The following ASTN2 variants were observed in gnomAD, a reference collection of about 807,000 sequenced individuals.
ASTN2 encodes the protein astrotactin 2, also known as astrotactin-2.
A neutral mutation model predicts 139.8 loss-of-function variants in ASTN2; 54 were observed. The ratio of observed to expected loss-of-function variants is 0.39; its 90% confidence interval spans 0.31 to 0.48. The LOEUF (loss-of-function observed/expected upper bound fraction) is 0.48. Among genes scored for constraint, ASTN2 ranks in the 20% least tolerant of loss-of-function variants. ASTN2 has a pLI of 0.95. For missense variants in ASTN2, 1,565 were observed against 1,725.1 expected (o/e 0.91, Z 1.64); for synonymous variants, 756 against 719.5 (o/e 1.05, Z -0.81).
At chr9:117,186,280 C>T (rs1831195253) in intron 3 of ASTN2, among the ~76,000 whole-genome samples, 2 of 152,158 alleles carry the variant, frequency 1.3e-5, no homozygotes, top group South Asian at 2.1e-4. Context: ...GGCGCGGTGG[C>T]CCACGCCTGT....
intron 16 of ASTN2, among the ~76,000 whole-genome samples, chr9:116,683,268 T>C (rs187230843): frequency 1.6e-4 from 24 of 152,180 alleles, no homozygotes; most frequent in African/African-American, 4.8e-4. Flanking sequence ...TAGTGTTTGG[T>C]TTTCTTTGGA....
At chr9:117,171,071 C>T (rs536255141) in intron 3 of ASTN2, among the ~76,000 whole-genome samples, 28 of 152,166 alleles carry the variant, frequency 1.8e-4, no homozygotes, top group African/African-American at 5.8e-4. Context: ...GAGCTCTCAG[C>T]GACATCCCAT....
chr9:116,621,441 G>GCACA lies in ASTN2; in HGVS notation c.3073-1002_3073-999dup, dbSNP rs10547546. ...CACACACACACACACACACATGCAC[G>GCACA]CACACACACACACACACACACACAT... On this transcript the variant is annotated intron_variant, in intron 17 of 22. Transcript: ENST00000313400. Among the ~76,000 whole-genome samples, 965 of 148,036 alleles carry GCACA rather than the reference G, an allele frequency of 6.5e-3. 14 individuals carry two copies. Among genetic ancestry groups the GCACA allele is most frequent in the African/African-American group, 0.023 (910 of 40,120 alleles).
intron 1 of ASTN2, among the ~76,000 whole-genome samples, chr9:117,317,819 C>A (rs557393470): frequency 2.6e-5 from 4 of 152,198 alleles, no homozygotes; most frequent in Admixed American, 6.5e-5. Context: ...AGTGCACTCA[C>A]AGGTCAGTGC....
At chr9:116,791,046 A>AGAAG (rs1564269274) in intron 13 of ASTN2, among the ~76,000 whole-genome samples, 4 of 149,938 alleles carry the variant, frequency 2.7e-5, no homozygotes, top group Non-Finnish European at 5.9e-5. Flanking sequence ...AAAGAAAGAA[A>AGAAG]AGAAAAGAAA....
At chr9:116,965,563 G>A (rs1368369875) in intron 10 of ASTN2, among the ~76,000 whole-genome samples, 2 of 152,186 alleles carry the variant, frequency 1.3e-5, no homozygotes, top group Non-Finnish European at 2.9e-5. Context: ...AGAAGAGAAT[G>A]AAGCCATCAT....
chr9:116,946,936 C>CAAAAAAAAA lies in ASTN2; in HGVS notation c.1889+28263_1889+28271dup, dbSNP rs3983292. On this transcript the variant is annotated intron_variant, in intron 10 of 22. Coordinates refer to ENST00000313400, the MANE Select transcript of ASTN2 (RefSeq NM_001365068.1). ...AGTGGCCACAAGTACACATTTTTGT[C>CAAAAAAAAA]AAAAAAAAAAAAAAACAACCCAGAT... Among the ~76,000 whole-genome samples the CAAAAAAAAA allele has an allele frequency of 1.6e-4, 21 of 127,920 alleles. 1 individual carries two copies. Among genetic ancestry groups the CAAAAAAAAA allele is most frequent in the African/African-American group, 4.9e-4 (16 of 32,684 alleles). 83.9% of individuals were successfully genotyped at this position (127,920 alleles called of 152,430 possible). A position where few individuals can be genotyped will look rare whatever the true frequency, so the allele number is the denominator to read the frequency against.
chr9:117,271,717 T>G (rs916251342), intron 2 of ASTN2, among the ~76,000 whole-genome samples: 12 of 152,258 alleles, frequency 7.9e-5, no homozygotes, highest in African/African-American at 2.6e-4. Context: ...CCTATGCAAG[T>G]CTGAAATCCA....
At chr9:116,770,845 CT>C (rs1829937220) in intron 13 of ASTN2, among the ~76,000 whole-genome samples, 1 of 152,144 alleles carries the variant, frequency 6.6e-6, no homozygotes, top group Non-Finnish European at 1.5e-5. Flanking sequence ...CCAAGGGCAC[CT>C]TCACATGTTT....
At chr9:117,153,675 T>C (rs947574204) in intron 3 of ASTN2, among the ~76,000 whole-genome samples, 3 of 152,108 alleles carry the variant, frequency 2.0e-5, no homozygotes, top group Non-Finnish European at 4.4e-5. Context: ...TTGACTTCCA[T>C]ACAGAAGAGG....
chr9:116,958,476 C>T (rs1195045860), intron 10 of ASTN2, among the ~76,000 whole-genome samples: 1 of 152,122 alleles, frequency 6.6e-6, no homozygotes, highest in Admixed American at 6.5e-5. Context: ...GTAGTCCCAG[C>T]TACTCAGGAA....
At chr9:116,643,413 G>A (rs1857437047) in intron 17 of ASTN2, among the ~76,000 whole-genome samples, 1 of 152,124 alleles carries the variant, frequency 6.6e-6, no homozygotes, top group Admixed American at 6.5e-5. Context: ...TGTTGCAGCA[G>A]GAAAGCAGTT....
At chr9:116,578,875 C>T (rs10983246) in intron 19 of ASTN2, 4 of 152,040 alleles carry the variant, frequency 2.6e-5, no homozygotes, top group Non-Finnish European at 5.9e-5. Context: ...GAAAAACAGC[C>T]TGGAAATTTC....
At chr9:116,495,205 C>T (rs1254246876) in intron 19 of ASTN2, among the ~76,000 whole-genome samples, 1 of 152,218 alleles carries the variant, frequency 6.6e-6, no homozygotes, top group Non-Finnish European at 1.5e-5. Context: ...AGACTTCAGG[C>T]TCATCCTCAT....
intron 10 of ASTN2, among the ~76,000 whole-genome samples, chr9:116,891,575 C>T (rs1445764752): frequency 1.3e-5 from 2 of 152,200 alleles, no homozygotes; most frequent in African/African-American, 2.4e-5. Flanking sequence ...AAAGTCCCAT[C>T]GCTGGGAGTA....
intron 10 of ASTN2, among the ~76,000 whole-genome samples, chr9:116,944,744 G>T (rs1835339842): frequency 6.6e-6 from 1 of 150,854 alleles, no homozygotes. Flanking sequence ...GGGTATGTTT[G>T]GGAAGCCATA....
At chr9:117,240,840 A>G (rs559073483) in intron 2 of ASTN2, among the ~76,000 whole-genome samples, 2 of 152,282 alleles carry the variant, frequency 1.3e-5, no homozygotes, top group South Asian at 2.1e-4. Context: ...GACCTAAGCC[A>G]TGCTTTCTGC....
Position 117,183,345 on chromosome 9 carries a change from C to T in ASTN2, c.1015+31013G>A, listed in dbSNP as rs139863051. 1.9e-4 allele frequency among the ~76,000 whole-genome samples: 29 copies of T among 152,272 alleles called. 1 individual carries two copies. The highest frequency in any genetic ancestry group is 6.3e-4 in the African/African-American group (26 of 41,550). On this transcript the variant is annotated intron_variant, in intron 3 of 22. Coordinates refer to ENST00000313400, the MANE Select transcript of ASTN2 (RefSeq NM_001365068.1). ...TTAAATAAAGAAGCATATAAAGCAC[C>T]CGATCTATCTGCAGAGGACTTGCTC...
chr9:117,299,303 T>G (rs1834817264), intron 1 of ASTN2, among the ~76,000 whole-genome samples: 1 of 152,208 alleles, frequency 6.6e-6, no homozygotes, highest in Non-Finnish European at 1.5e-5. Context: ...ATTCATTTAG[T>G]CAACCAACCT....
Sources: gnomAD v4.1 joint callset for allele counts (sites outside exome capture counted in the v4.1 genomes callset) on GRCh38, gnomAD v4.1.1 for gene constraint, MANE v1.5 for transcripts, NCBI Gene and HGNC (gene_info 2026-07-23, HGNC 2026-07-21) for gene names.